The following SEC24D variants were observed in gnomAD, a reference collection of about 807,000 sequenced individuals.
SEC24D encodes the protein SEC24 homolog D, COPII component, also known as protein transport protein Sec24D.
SEC24D carries 69 observed loss-of-function variants against 116.9 expected under a neutral mutation model. That is an observed-to-expected ratio of 0.59 (90% CI 0.49 to 0.72). The LOEUF is 0.72. Among genes scored for constraint, SEC24D ranks in the 30% least tolerant of loss-of-function variants. SEC24D has a pLI of 0.00. For synonymous variants in SEC24D, 405 were observed against 442.8 expected (o/e 0.91, Z 1.07); for missense variants, 1,131 against 1,264.1 (o/e 0.89, Z 1.60).
intron 22 of SEC24D, among the ~76,000 whole-genome samples, chr4:118,724,183 G>C (rs1198381658): frequency 1.3e-5 from 2 of 152,124 alleles, no homozygotes; most frequent in Non-Finnish European, 2.9e-5. Flanking sequence ...ATAGGAAGTG[G>C]TTTGAAGTGT....
chr4:118,821,016 T>C (rs879945622), intron 3 of SEC24D, among the ~76,000 whole-genome samples: 1 of 152,190 alleles, frequency 6.6e-6, no homozygotes, highest in Non-Finnish European at 1.5e-5. Flanking sequence ...TTGCAATAAA[T>C]TGCTCAAGAA....
intron 8 of SEC24D, among the ~76,000 whole-genome samples, chr4:118,776,914 C>T (rs1354689963): frequency 1.3e-5 from 2 of 152,094 alleles, no homozygotes; most frequent in Non-Finnish European, 2.9e-5. Flanking sequence ...CAGCTTTCCA[C>T]TCCTCAAAGG....
In SEC24D at chr4:118,797,663, C is replaced by A; in HGVS notation, c.1041+20G>T. 1 of 1,523,088 alleles carries A rather than the reference C, an allele frequency of 6.6e-7. No individual in the cohort carries two copies. 94.3% of individuals were successfully genotyped at this position (1,523,088 alleles called of 1,614,324 possible). A position where few individuals can be genotyped will look rare whatever the true frequency, so the allele number is the denominator to read the frequency against. On this transcript the variant is annotated intron_variant, in intron 8 of 22. Transcript: ENST00000280551. ...TTGGAATTGATAAATTATTGAATTG[C>A]TATTATATATCATTCTTACCTCATT...
At chr4:118,725,084 C>T (rs1725338445) in intron 22 of SEC24D, among the ~76,000 whole-genome samples, 3 of 152,108 alleles carry the variant, frequency 2.0e-5, no homozygotes, top group Non-Finnish European at 4.4e-5. Flanking sequence ...TATAACGTTT[C>T]GGCCTGGATC....
chr4:118,775,477 C>G (rs889756557), intron 8 of SEC24D, among the ~76,000 whole-genome samples: 2 of 151,928 alleles, frequency 1.3e-5, no homozygotes, highest in Admixed American at 1.3e-4. Context: ...GTGAGAACAG[C>G]TTAACACAGG....
intron 3 of SEC24D, among the ~76,000 whole-genome samples, chr4:118,824,403 C>T (rs2110535042): frequency 6.6e-6 from 1 of 152,318 alleles, no homozygotes; most frequent in African/African-American, 2.4e-5. Context: ...AACTCGACCT[C>T]TCAAAGTGCT....
intron 7 of SEC24D, among the ~76,000 whole-genome samples, chr4:118,801,218 C>T (rs1244755218): frequency 1.3e-5 from 2 of 150,780 alleles, no homozygotes; most frequent in South Asian, 2.1e-4. Flanking sequence ...GCTGAGATCG[C>T]GCCACTGTAC....
rs146112091 is a variant in SEC24D at position 118,809,281 on chromosome 4, C to T, written c.802-3327G>A. On this transcript the variant is annotated intron_variant, in intron 6 of 22. Transcript: ENST00000280551. ...GCCACCTCACCCAGCCTACAGAAAG[C>T]ACCCAACTTCTGAATAATCCTCTTA... 2.5e-3 allele frequency among the ~76,000 whole-genome samples: 374 copies of T among 152,276 alleles called. 4 individuals carry two copies. Among genetic ancestry groups the T allele is most frequent in the Non-Finnish European group, 8.1e-4 (55 of 68,020 alleles).
chr4:118,800,260 A>G (rs1408103635), intron 7 of SEC24D, among the ~76,000 whole-genome samples: 2 of 152,216 alleles, frequency 1.3e-5, no homozygotes, highest in Non-Finnish European at 2.9e-5. Flanking sequence ...AGGAGAGTGG[A>G]AAAGTGAAAA....
intron 3 of SEC24D, among the ~76,000 whole-genome samples, chr4:118,820,936 C>T (rs1412949536): frequency 6.6e-6 from 1 of 152,132 alleles, no homozygotes; most frequent in East Asian, 1.9e-4. Flanking sequence ...TCAATTTAAT[C>T]CTAATCCTCT....
At chr4:118,816,694 G>C in intron 4 of SEC24D, 1 of 347,934 alleles carries the variant, frequency 2.9e-6, no homozygotes, top group South Asian at 2.2e-5. Flanking sequence ...TCTTCATCTA[G>C]ATAAATGGCC....
chr4:118,770,450 A>T (rs1162071450), intron 8 of SEC24D, among the ~76,000 whole-genome samples: 1 of 152,220 alleles, frequency 6.6e-6, no homozygotes, highest in African/African-American at 2.4e-5. Context: ...TACAATTACC[A>T]ATCATGACTC....
chr4:118,811,928 T>C (rs1729936262), intron 6 of SEC24D, among the ~76,000 whole-genome samples: 1 of 152,212 alleles, frequency 6.6e-6, no homozygotes, highest in Non-Finnish European at 1.5e-5. Context: ...GTATCAATGC[T>C]CTTTTCAATG....
At chr4:118,833,880 A>G (rs900202756) in intron 1 of SEC24D, 143 bp from the exon 2 acceptor site, 1 of 527,508 alleles carries the variant, frequency 1.9e-6, no homozygotes, top group Non-Finnish European at 3.3e-6. Flanking sequence ...TTTGTATTAT[A>G]CAATATATCA....
intron 9 of SEC24D, among the ~76,000 whole-genome samples, chr4:118,765,389 A>G (rs1727596904): frequency 6.6e-6 from 1 of 152,224 alleles, no homozygotes; most frequent in South Asian, 2.1e-4. Flanking sequence ...TAATCTTTTA[A>G]TGTTTGCGCT....
chr4:118,751,699 T>C lies in SEC24D; in HGVS notation c.1707+297A>G, dbSNP rs572839208. On this transcript the variant is annotated intron_variant, in intron 13 of 22. Coordinates refer to ENST00000280551, the MANE Select transcript of SEC24D (RefSeq NM_014822.4). Reference sequence around the variant, plus strand: ...GGGAATCTGGTAGTTCTGATATTGTTGGACTAATTTTAAAATAGACCATAT... The same window carrying C: ...GGGAATCTGGTAGTTCTGATATTGTCGGACTAATTTTAAAATAGACCATAT... 2.0e-5 allele frequency among the ~76,000 whole-genome samples: 3 copies of C among 152,288 alleles called. No homozygotes were observed. In the South Asian group the frequency reaches 6.2e-4, roughly 32 times the overall value.
rs76134067 is a variant in SEC24D at position 118,818,438 on chromosome 4, T to G, written c.249-1026A>C. Among the ~76,000 whole-genome samples, 429 of 152,348 alleles carry G rather than the reference T, an allele frequency of 2.8e-3. 2 individuals are homozygous for G. Among genetic ancestry groups the G allele is most frequent in the African/African-American group, 9.9e-3 (412 of 41,570 alleles). ...ACTAGGACCAGCGTTTTTCCAGGTC[T>G]TCAGTGAGTGCACTATTCAAAGCAT... On this transcript the variant is annotated intron_variant, in intron 3 of 22. Coordinates refer to ENST00000280551, the MANE Select transcript of SEC24D (RefSeq NM_014822.4).
chr4:118,754,431 A>G (rs1407314099), intron 11 of SEC24D, among the ~76,000 whole-genome samples: 1 of 152,162 alleles, frequency 6.6e-6, no homozygotes, highest in African/African-American at 2.4e-5. Flanking sequence ...GCTACCAATT[A>G]GAAGTCATTT....
Position 118,723,395 on chromosome 4 carries a change from G to A in SEC24D, c.*120C>T. 3.8e-6 allele frequency: 4 copies of A among 1,053,946 alleles called. No individual in the cohort carries two copies. The highest frequency in any genetic ancestry group is 5.5e-6 in the Non-Finnish European group (4 of 733,526). The allele number at this position is 1,053,946 out of a possible 1,614,324, so 65.3% of individuals were successfully genotyped here. ...GAAGTTCTAAATGCCATCTCTTCCTGGAAAGTTATTCTGAAAATGAGCAAG... is the reference window on the plus strand; with the variant it reads ...GAAGTTCTAAATGCCATCTCTTCCTAGAAAGTTATTCTGAAAATGAGCAAG... On this transcript the variant is annotated 3_prime_UTR_variant, in exon 23 of 23. Transcript: ENST00000280551.
Sources: gnomAD v4.1 joint callset for allele counts (sites outside exome capture counted in the v4.1 genomes callset) on GRCh38, gnomAD v4.1.1 for gene constraint, MANE v1.5 for transcripts, NCBI Gene and HGNC (gene_info 2026-07-23, HGNC 2026-07-21) for gene names.